The following SWI5 variants were observed in gnomAD, a reference collection of about 807,000 sequenced individuals.
SWI5 encodes the protein DNA repair protein SWI5 homolog.
SWI5 carries 12 observed loss-of-function variants against 17.0 expected under a neutral mutation model. The ratio of observed to expected loss-of-function variants is 0.71; its 90% confidence interval spans 0.45 to 1.14. The LOEUF is 1.14. SWI5 is among the 50% of genes most tolerant of loss of function. SWI5 has a pLI of 0.00. For synonymous variants in SWI5, 61 were observed against 64.0 expected, an observed-to-expected ratio of 0.95 and a Z score of 0.22; for missense variants, 158 against 162.2, an observed-to-expected ratio of 0.97 and a Z score of 0.14.
At chr9:128,280,190 G>C (rs77407869) in intron 2 of SWI5, among the ~76,000 whole-genome samples, 1 of 151,658 alleles carries the variant, frequency 6.6e-6, no homozygotes, top group African/African-American at 2.4e-5. Context: ...ACACATTTCC[G>C]GGTGGCTCTG....
chr9:128,280,235 T>A (rs892792623), intron 2 of SWI5, among the ~76,000 whole-genome samples: 10 of 152,046 alleles, frequency 6.6e-5, no homozygotes, highest in African/African-American at 2.4e-4. Context: ...ACACACCTGC[T>A]CCAAGTTCTG....
At chr9:128,278,597 G>A (rs1303227937) in intron 2 of SWI5, 1 of 460,990 alleles carries the variant, frequency 2.2e-6, no homozygotes, top group Admixed American at 2.5e-5. Context: ...ATTGAGCATT[G>A]TCCCATCAGC....
chr9:128,277,312 G>C (rs1831428478), intron 2 of SWI5, among the ~76,000 whole-genome samples: 1 of 152,124 alleles, frequency 6.6e-6, no homozygotes, highest in East Asian at 1.9e-4. Context: ...AGCACTTTGG[G>C]AGGCTGAGGC....
Position 128,288,645 on chromosome 9 carries a change from C to G in SWI5, c.329-7C>G, listed in dbSNP as rs959295270. The G allele has an allele frequency of 1.9e-6, 3 of 1,614,150 alleles. No individual in the cohort carries two copies. Among genetic ancestry groups the G allele is most frequent in the Non-Finnish European group, 2.5e-6 (3 of 1,180,020 alleles). On this transcript the variant is annotated splice_region_variant and splice_polypyrimidine_tract_variant and intron_variant, in intron 4 of 4. Transcript: ENST00000418976. ...CTGCACATTCAGCCTGCCTTCCTTC[C>G]TTTCAGCTGTGATCCGAGGTGTCAC...
At chr9:128,278,851 C>T (rs1354685573) in intron 2 of SWI5, among the ~76,000 whole-genome samples, 1 of 152,088 alleles carries the variant, frequency 6.6e-6, no homozygotes, top group Non-Finnish European at 1.5e-5. Flanking sequence ...TGGCTCACTG[C>T]AACCTCTGCC....
At chr9:128,276,537 C>A (rs751642845) in intron 1 of SWI5, 135 bp downstream of exon 1, 4 of 1,571,468 alleles carry the variant, frequency 2.5e-6, no homozygotes, top group Non-Finnish European at 3.5e-6. Flanking sequence ...ACGCCCCCTT[C>A]CTAGAGGGTC....
At chr9:128,283,658 G>A (rs763368573) in intron 2 of SWI5, among the ~76,000 whole-genome samples, 3 of 152,246 alleles carry the variant, frequency 2.0e-5, no homozygotes, top group Non-Finnish European at 4.4e-5. Flanking sequence ...AATAACAGTG[G>A]TTTAAACAGT....
rs1410230619 is a variant in SWI5, at chr9:128,284,623, CGTATCTGA to C, written c.229_233+3del. 2.5e-6 allele frequency: 4 copies of C among 1,613,200 alleles called. No homozygotes were observed. The highest frequency in any genetic ancestry group is 1.3e-5 in the African/African-American group (1 of 74,848). ...TGCTGGACAAGGAGATCTCCCAGTT[CGTATCTGA>C]GTAAGTTTCATTGGGTTCCCCATCA... On this transcript the variant is annotated frameshift_variant and splice_region_variant, in exon 3 of 5. Coordinates refer to ENST00000418976, the Ensembl canonical transcript of SWI5. LOFTEE classifies it high-confidence loss of function.
exon 5 of SWI5, chr9:128,288,772 T>C: frequency 6.3e-7 from 1 of 1,594,066 alleles, no homozygotes; most frequent in South Asian, 1.1e-5. Context: ...GTGGACATGA[T>C]AAACACTGAG....
At chr9:128,284,956 TAA>T (rs570065202) in intron 3 of SWI5, among the ~76,000 whole-genome samples, 76 of 84,950 alleles carry the variant, frequency 8.9e-4, no homozygotes, top group African/African-American at 1.3e-3. Context: ...AATCTGTCTT[TAA>T]AAAAAAAAAA....
intron 4 of SWI5, among the ~76,000 whole-genome samples, chr9:128,287,452 C>CAA (rs1331481026): frequency 9.5e-6 from 1 of 105,660 alleles, no homozygotes. Context: ...GACTCCATCT[C>CAA]AAAAAAAAAA....
exon 5 of SWI5, chr9:128,288,788 A>G: frequency 6.5e-7 from 1 of 1,531,010 alleles, no homozygotes; most frequent in Non-Finnish European, 9.0e-7. Flanking sequence ...CTGAGAGCCC[A>G]ACCAGCACAC....
At chr9:128,284,560 G>A (rs1190209281) in exon 3 of SWI5, 1 of 1,613,996 alleles carries the variant, frequency 6.2e-7, no homozygotes, top group East Asian at 2.2e-5. Flanking sequence ...AGGAGTCTCT[G>A]CACCTTGACA....
intron 3 of SWI5, among the ~76,000 whole-genome samples, chr9:128,284,870 C>G (rs919934427): frequency 6.7e-6 from 1 of 149,724 alleles, no homozygotes. Context: ...GCAGAAGAAT[C>G]GCTTAAACCT....
At position 128,285,082 on chromosome 9, in the gene SWI5, G is replaced by C. The variant is rs183986817; in HGVS notation, c.233+451G>C. ...CTCAGGAGGCTGAGGCAGGAGAATC[G>C]CTTGAACCTGGCAGGCAGAGGTTGC... On this transcript the variant is annotated intron_variant, in intron 3 of 4. Transcript: ENST00000418976. The surrounding 1 kb of genome is among the most constrained non-coding windows in gnomAD (Gnocchi z 4.8). Among the ~76,000 whole-genome samples the C allele has an allele frequency of 6.6e-6, 1 of 151,844 alleles. No individual in the cohort carries two copies. Among genetic ancestry groups the C allele is most frequent in the African/African-American group, 2.4e-5 (1 of 41,316 alleles).
chr9:128,276,097 T>A, upstream of SWI5: 1 of 1,571,064 alleles, frequency 6.4e-7, no homozygotes, highest in Non-Finnish European at 8.6e-7. Context: ...GCCTCAAAGA[T>A]CAAAGCCCAT....
At chr9:128,280,043 A>C (rs938981635) in intron 2 of SWI5, among the ~76,000 whole-genome samples, 14 of 152,200 alleles carry the variant, frequency 9.2e-5, no homozygotes, top group African/African-American at 3.4e-4. Context: ...TAGTGTTTAT[A>C]CTAATGATTG....
Position 128,276,347 on chromosome 9 carries a change from C to T in SWI5, c.7C>T (p.Pro3Ser), listed in dbSNP as rs553787072. Residue 3 changes from proline to serine, a missense_variant, in exon 1 of 5, where the codon CCT (proline) becomes TCT (serine). Coordinates refer to ENST00000418976, the Ensembl canonical transcript of SWI5. ...TCGCTCTCCGACTCCCGCGCTGGAC[C>T]CTCTTGCGCCATTGAACCCCCTGAT... The T allele has an allele frequency of 3.3e-5, 54 of 1,613,376 alleles. No homozygotes were observed. Among genetic ancestry groups the T allele is most frequent in the South Asian group, 1.1e-4 (10 of 91,070 alleles).
At chr9:128,276,431 T>C (rs1831379303) in intron 1 of SWI5, 29 bp downstream of exon 1, 1 of 1,608,412 alleles carries the variant, frequency 6.2e-7, no homozygotes. Flanking sequence ...CCACAGTTTC[T>C]TTCCTGACTC....
Sources: gnomAD v4.1 joint callset for allele counts (sites outside exome capture counted in the v4.1 genomes callset) on GRCh38, gnomAD v4.1.1 for gene constraint, Gnocchi (gnomAD v3.1) non-coding constraint, MANE v1.5 for transcripts, NCBI Gene and HGNC (gene_info 2026-07-23, HGNC 2026-07-21) for gene names.